SCD5: variants seen among roughly 807,000 people sequenced by gnomAD.
The protein encoded by SCD5 is acyl-CoA-desaturase 4.
SCD5 carries 20 observed loss-of-function variants against 30.4 expected under a neutral mutation model. That is an observed-to-expected ratio of 0.66 (90% CI 0.46 to 0.96). SCD5 has a LOEUF of 0.96. Ranked by LOEUF, SCD5 falls within the 40% of genes least tolerant of loss-of-function variation. The probability of loss-of-function intolerance (pLI) is 0.00; values close to 1 mark genes in which losing one functional copy is unlikely to be tolerated. For missense variants in SCD5, 381 were observed against 443.3 expected (o/e 0.86, Z 1.26); for synonymous variants, 173 against 176.4 (o/e 0.98, Z 0.16).
chr4:82,794,541 A>G (rs1722168049), intron 1 of SCD5, among the ~76,000 whole-genome samples: 1 of 152,188 alleles, frequency 6.6e-6, no homozygotes, highest in Non-Finnish European at 1.5e-5. Flanking sequence ...CTTGGGATTC[A>G]GGGCATTGAC....
intron 2 of SCD5, among the ~76,000 whole-genome samples, chr4:82,688,044 G>C (rs1728749099): frequency 6.6e-6 from 1 of 152,190 alleles, no homozygotes; most frequent in Admixed American, 6.5e-5. Context: ...ACAGTTGCTT[G>C]CTCCCAACCA....
chr4:82,631,135 A>AC lies in SCD5; in HGVS notation c.*191_*192insG, dbSNP rs1406945075. On this transcript the variant is annotated 3_prime_UTR_variant, in exon 5 of 5. Transcript: ENST00000319540. Reference sequence around the variant, plus strand: ...CAAAAACAAAACAAACAAAAAAAAAAACGAAAGTTTTTTCATTGATAATTG... The same window carrying AC: ...CAAAAACAAAACAAACAAAAAAAAAACACGAAAGTTTTTTCATTGATAATTG... 5.8e-6 allele frequency: 3 copies of AC among 519,126 alleles called. No homozygotes were observed. Among genetic ancestry groups the AC allele is most frequent in the Admixed American group, 3.6e-5 (1 of 27,810 alleles). 32.2% of individuals were successfully genotyped at this position (519,126 alleles called of 1,614,324 possible). A position where few individuals can be genotyped will look rare whatever the true frequency, so the allele number is the denominator to read the frequency against.
At chr4:82,709,342 T>C (rs1253293650) in intron 1 of SCD5, among the ~76,000 whole-genome samples, 1 of 152,204 alleles carries the variant, frequency 6.6e-6, no homozygotes, top group African/African-American at 2.4e-5. Context: ...GACAGTTTCA[T>C]TGAGCTGCTA....
In SCD5 at chr4:82,630,350, A is replaced by ATT. The variant is rs1727259022; in HGVS notation, c.*976_*977insAA. 1 of 152,122 alleles carries ATT rather than the reference A, an allele frequency of 6.6e-6. No individual in the cohort carries two copies. Among genetic ancestry groups the ATT allele is most frequent in the East Asian group, 1.9e-4 (1 of 5,204 alleles). The allele number at this position is 152,122 out of a possible 1,614,324, so 9.4% of individuals were successfully genotyped here. A position where few individuals can be genotyped will look rare whatever the true frequency, so the allele number is the denominator to read the frequency against. ...CAGTTTTTGATTCTCTTAAGCAAAC[A>ATT]ATAAAACCACACACACACAATAATT... On this transcript the variant is annotated 3_prime_UTR_variant, in exon 5 of 5. Transcript: ENST00000319540.
At chr4:82,756,225 G>A (rs1721230570) in intron 1 of SCD5, among the ~76,000 whole-genome samples, 1 of 152,212 alleles carries the variant, frequency 6.6e-6, no homozygotes, top group Non-Finnish European at 1.5e-5. Flanking sequence ...TAAAATTCCT[G>A]CTGGTGGCAG....
At chr4:82,657,913 C>T (rs1311584665) in intron 3 of SCD5, among the ~76,000 whole-genome samples, 1 of 152,082 alleles carries the variant, frequency 6.6e-6, no homozygotes, top group Admixed American at 6.6e-5. Flanking sequence ...TATTGGTGTA[C>T]AGGAATGCTT....
intron 2 of SCD5, among the ~76,000 whole-genome samples, chr4:82,682,534 A>G (rs928774915): frequency 6.6e-6 from 1 of 152,218 alleles, no homozygotes; most frequent in Non-Finnish European, 1.5e-5. Flanking sequence ...TGATTATGAC[A>G]ATAGTAATAA....
At chr4:82,780,722 T>C (rs571748645) in intron 1 of SCD5, among the ~76,000 whole-genome samples, 1 of 152,390 alleles carries the variant, frequency 6.6e-6, no homozygotes, top group African/African-American at 2.4e-5. Flanking sequence ...GGGAGATTAA[T>C]TAGCACTTCA....
At chr4:82,645,643 C>A (rs1365850872) in intron 3 of SCD5, among the ~76,000 whole-genome samples, 1 of 152,180 alleles carries the variant, frequency 6.6e-6, no homozygotes, top group African/African-American at 2.4e-5. Context: ...GACAAGGAGT[C>A]CATTTTTACA....
At chr4:82,746,526 G>A (rs1257454272) in intron 1 of SCD5, among the ~76,000 whole-genome samples, 1 of 152,040 alleles carries the variant, frequency 6.6e-6, no homozygotes, top group South Asian at 2.1e-4. Context: ...TCAGGTTCTT[G>A]TCTTAATTTC....
chr4:82,648,067 G>A (rs1357129795), intron 3 of SCD5, among the ~76,000 whole-genome samples: 3 of 152,236 alleles, frequency 2.0e-5, no homozygotes, highest in Admixed American at 2.0e-4. Context: ...AAAAGAGAGT[G>A]TGGGAGGCAG....
Position 82,636,696 on chromosome 4 carries a change from T to C in SCD5, c.697A>G (p.Asn233Asp), listed in dbSNP as rs753575976. Reference sequence around the variant, plus strand: ...GCGCTGTTGACCAGCCAGCTGATGTTGAGTGAGATGGTATAGCGGAGAATA... The same window carrying C: ...GCGCTGTTGACCAGCCAGCTGATGTCGAGTGAGATGGTATAGCGGAGAATA... ...ASILRYTISL[N>D]ISWLVNSAAH... The change falls in exon 4 of 5, where the codon AAC becomes GAC. Residue 233 changes from asparagine (N) to aspartate (D), a missense_variant. By Grantham distance (23) the Asn-to-Asp change is conservative. Coordinates refer to ENST00000319540, the MANE Select transcript of SCD5 (RefSeq NM_001037582.3). 6.2e-7 allele frequency: 1 copy of C among 1,614,156 alleles called. No individual in the cohort carries two copies. Among genetic ancestry groups the C allele is most frequent in the Non-Finnish European group, 8.5e-7 (1 of 1,180,024 alleles).
chr4:82,675,482 T>C (rs1728416200), intron 3 of SCD5, among the ~76,000 whole-genome samples: 1 of 152,152 alleles, frequency 6.6e-6, no homozygotes, highest in Non-Finnish European at 1.5e-5. Flanking sequence ...TACATTTTGA[T>C]CTCTTCCCAA....
At chr4:82,700,119 A>C (rs1228171396) in intron 2 of SCD5, among the ~76,000 whole-genome samples, 1 of 152,068 alleles carries the variant, frequency 6.6e-6, no homozygotes, top group East Asian at 2.0e-4. Context: ...CGGGTGGCTT[A>C]GGCATGAGAA....
At chr4:82,769,937 A>C (rs1259448513) in intron 1 of SCD5, among the ~76,000 whole-genome samples, 1 of 138,030 alleles carries the variant, frequency 7.2e-6, no homozygotes, top group Non-Finnish European at 1.6e-5. Flanking sequence ...TTACAGAAAC[A>C]AAAAAAAAAT....
At chr4:82,731,353 A>G (rs1720639933) in intron 1 of SCD5, among the ~76,000 whole-genome samples, 1 of 152,216 alleles carries the variant, frequency 6.6e-6, no homozygotes, top group African/African-American at 2.4e-5. Context: ...GTGAACACAG[A>G]GCAGACCACT....
chr4:82,745,596 A>G (rs1720965869), intron 1 of SCD5, among the ~76,000 whole-genome samples: 1 of 152,188 alleles, frequency 6.6e-6, no homozygotes. Context: ...GGTTTGCTGC[A>G]CAGATCATCA....
At chr4:82,699,810 C>A (rs1038114961) in intron 2 of SCD5, among the ~76,000 whole-genome samples, 2 of 151,962 alleles carry the variant, frequency 1.3e-5, no homozygotes, top group East Asian at 2.0e-4. Flanking sequence ...TACAGGTGCA[C>A]GCCACCACGC....
chr4:82,666,501 C>A (rs1222909852), intron 3 of SCD5, among the ~76,000 whole-genome samples: 3 of 148,476 alleles, frequency 2.0e-5, no homozygotes, highest in East Asian at 2.0e-4. Flanking sequence ...GGAGACAGAG[C>A]GAGACTCCGT....
Sources: allele counts gnomAD v4.1 joint callset (sites outside exome capture counted in the v4.1 genomes callset), GRCh38; gene constraint gnomAD v4.1.1; transcripts MANE v1.5; gene names NCBI Gene and HGNC (gene_info 2026-07-23, HGNC 2026-07-21).